ZBTB20: variants seen among roughly 807,000 people sequenced by gnomAD.
The protein encoded by ZBTB20 is zinc finger and BTB domain-containing protein 20.
ZBTB20 carries 9 observed loss-of-function variants against 56.9 expected under a neutral mutation model. The ratio of observed to expected loss-of-function variants is 0.16; its 90% CI spans 0.10 to 0.28. The LOEUF (loss-of-function observed/expected upper bound fraction) is 0.28. Among genes scored for constraint, ZBTB20 ranks in the 10% least tolerant of loss-of-function variants. ZBTB20 has a pLI of 1.00. For missense variants in ZBTB20, 655 were observed against 1,003.0 expected (o/e 0.65, Z 4.69); for synonymous variants, 417 against 420.7 (o/e 0.99, Z 0.11).
chr3:114,954,710 A>C (rs2077189713), intron 3 of ZBTB20, among the ~76,000 whole-genome samples: 2 of 152,166 alleles, frequency 1.3e-5, no homozygotes, highest in South Asian at 4.1e-4. Flanking sequence ...TTGAATTGTC[A>C]CTGGTTTCTT....
At chr3:114,671,684 A>T (rs2061369041) in intron 6 of ZBTB20, among the ~76,000 whole-genome samples, 1 of 151,822 alleles carries the variant, frequency 6.6e-6, no homozygotes, top group Non-Finnish European at 1.5e-5. Context: ...CCAGAGTGTT[A>T]AAAAAAAGAT....
chr3:115,060,726 T>C (rs2081982826), intron 2 of ZBTB20, among the ~76,000 whole-genome samples: 1 of 152,154 alleles, frequency 6.6e-6, no homozygotes, highest in Admixed American at 6.5e-5. Context: ...CTAAATCTAC[T>C]GCCATCATTT....
At chr3:114,806,342 T>A (rs1321675053) in intron 4 of ZBTB20, among the ~76,000 whole-genome samples, 2 of 151,968 alleles carry the variant, frequency 1.3e-5, no homozygotes, top group African/African-American at 2.4e-5. Context: ...AATAATAATG[T>A]TGACCATGTT....
At chr3:114,791,501 G>A (rs2070954983) in intron 5 of ZBTB20, among the ~76,000 whole-genome samples, 1 of 152,192 alleles carries the variant, frequency 6.6e-6, no homozygotes, top group African/African-American at 2.4e-5. Context: ...ATGAGCAGAT[G>A]TGGGGTTAGA....
chr3:114,863,366 C>A (rs1033730470), intron 4 of ZBTB20, among the ~76,000 whole-genome samples: 10 of 152,100 alleles, frequency 6.6e-5, no homozygotes, highest in Non-Finnish European at 1.3e-4. Flanking sequence ...TCTGAAGCTT[C>A]ATCTGGGCTT....
At chr3:114,981,860 T>C (rs1345692658) in intron 2 of ZBTB20, among the ~76,000 whole-genome samples, 1 of 152,036 alleles carries the variant, frequency 6.6e-6, no homozygotes, top group Non-Finnish European at 1.5e-5. Context: ...CAATCTTTCA[T>C]GAGTTGATGG....
chr3:114,499,125 T>C (rs1239676679), intron 7 of ZBTB20, among the ~76,000 whole-genome samples: 1 of 152,124 alleles, frequency 6.6e-6, no homozygotes, highest in Non-Finnish European at 1.5e-5. Flanking sequence ...CATATTGACA[T>C]CCTCCAAAGC....
In ZBTB20 at chr3:114,337,028, C is replaced by T. The variant is rs2079480619; in HGVS notation, c.*1977G>A. On this transcript the variant is annotated 3_prime_UTR_variant, in exon 12 of 12. Transcript: ENST00000675478. ...TGATCAGGACCGAGGAGAGAAATCC[C>T]TACTAGGAAGAGAGAGTGGCATCTG... 6.6e-6 allele frequency: 1 copy of T among 152,146 alleles called. No individual in the cohort carries two copies. The highest frequency in any genetic ancestry group is 2.4e-5 in the African/African-American group (1 of 41,410). 9.4% of individuals were successfully genotyped at this position (152,146 alleles called of 1,614,324 possible).
At chr3:114,610,706 T>C (rs1323678760) in intron 6 of ZBTB20, among the ~76,000 whole-genome samples, 3 of 152,160 alleles carry the variant, frequency 2.0e-5, no homozygotes, top group African/African-American at 7.2e-5. Flanking sequence ...AGTCCAAAGA[T>C]GTGTACTGGT....
intron 2 of ZBTB20, among the ~76,000 whole-genome samples, chr3:114,985,983 G>A (rs1340062168): frequency 1.3e-5 from 2 of 152,014 alleles, no homozygotes; most frequent in Non-Finnish European, 2.9e-5. Flanking sequence ...ATAAAACTTT[G>A]TTTACAGAAG....
intron 6 of ZBTB20, among the ~76,000 whole-genome samples, chr3:114,503,514 C>T (rs1421429846): frequency 2.6e-5 from 4 of 152,188 alleles, no homozygotes; most frequent in Admixed American, 6.5e-5. Flanking sequence ...TTGATACATG[C>T]TCTTTCCACC....
At chr3:114,768,413 A>G (rs2068934371) in intron 5 of ZBTB20, among the ~76,000 whole-genome samples, 1 of 152,084 alleles carries the variant, frequency 6.6e-6, no homozygotes, top group South Asian at 2.1e-4. Flanking sequence ...ACTAATATAT[A>G]ATACTGCCCT....
At chr3:114,603,595 A>C (rs2056922573) in intron 6 of ZBTB20, among the ~76,000 whole-genome samples, 5 of 151,944 alleles carry the variant, frequency 3.3e-5, no homozygotes, top group Admixed American at 3.3e-4. Flanking sequence ...CAGTATGGCC[A>C]AAAAATCCAT....
At chr3:114,772,447 C>G (rs997331256) in intron 5 of ZBTB20, among the ~76,000 whole-genome samples, 2 of 152,056 alleles carry the variant, frequency 1.3e-5, no homozygotes, top group African/African-American at 4.8e-5. Flanking sequence ...TTCTAGTATG[C>G]TTTGTAGTGA....
intron 5 of ZBTB20, among the ~76,000 whole-genome samples, chr3:114,752,250 GTAT>G (rs1560207990): frequency 2.0e-5 from 3 of 151,714 alleles, no homozygotes; most frequent in Non-Finnish European, 4.4e-5. Flanking sequence ...TCTGACTCTC[GTAT>G]CTATCTACTC....
intron 5 of ZBTB20, among the ~76,000 whole-genome samples, chr3:114,788,034 G>A (rs999306388): frequency 9.9e-5 from 15 of 151,998 alleles, no homozygotes; most frequent in Non-Finnish European, 1.8e-4. Flanking sequence ...ATGACAGCAA[G>A]GTAAAGACTG....
chr3:114,644,199 A>G (rs969369477), intron 6 of ZBTB20, among the ~76,000 whole-genome samples: 2 of 152,108 alleles, frequency 1.3e-5, no homozygotes, highest in African/African-American at 4.8e-5. Flanking sequence ...AACGAAATAA[A>G]ATAGCTCAAT....
intron 10 of ZBTB20, among the ~76,000 whole-genome samples, chr3:114,365,060 A>G (rs1030004857): frequency 5.9e-5 from 9 of 152,046 alleles, no homozygotes; most frequent in Non-Finnish European, 1.2e-4. Flanking sequence ...CTCTAACACA[A>G]AGGAGATCAT....
chr3:114,715,876 C>G (rs1209108694), intron 5 of ZBTB20, among the ~76,000 whole-genome samples: 1 of 152,198 alleles, frequency 6.6e-6, no homozygotes, highest in Non-Finnish European at 1.5e-5. Flanking sequence ...CTAACAGATT[C>G]TTTTAGCCCA....
Sources: gnomAD v4.1 joint callset for allele counts (sites outside exome capture counted in the v4.1 genomes callset) on GRCh38, gnomAD v4.1.1 for gene constraint, MANE v1.5 for transcripts, NCBI Gene and HGNC (gene_info 2026-07-23, HGNC 2026-07-21) for gene names.